Variants in AGBL4 observed in about 807,000 individuals in gnomAD.
AGBL4 encodes the protein cytosolic carboxypeptidase 6.
AGBL4 carries 58 observed loss-of-function variants against 66.4 expected under a neutral mutation model. The ratio of observed to expected loss-of-function variants is 0.87; its 90% CI spans 0.71 to 1.09. The LOEUF (loss-of-function observed/expected upper bound fraction) is 1.09, where lower values mean the gene tolerates loss of function less well. AGBL4 is among the 50% of genes least tolerant of loss of function. AGBL4 has a pLI of 0.00. For synonymous variants in AGBL4, 234 were observed against 222.9 expected, an observed-to-expected ratio of 1.05 and a Z score of -0.44; for missense variants, 579 against 631.0, an observed-to-expected ratio of 0.92 and a Z score of 0.88.
chr1:49,794,886 T>C (rs1042843905), intron 2 of AGBL4, among the ~76,000 whole-genome samples: 9 of 151,902 alleles, frequency 5.9e-5, no homozygotes, highest in Non-Finnish European at 1.2e-4. Flanking sequence ...GGTCTAGAAA[T>C]TGGTGATGAG....
intron 2 of AGBL4, among the ~76,000 whole-genome samples, chr1:49,822,181 CA>C (rs1645386582): frequency 6.6e-6 from 1 of 152,120 alleles, no homozygotes; most frequent in African/African-American, 2.4e-5. Flanking sequence ...AACATAAAGA[CA>C]GATGATAAGA....
At chr1:49,824,430 G>A (rs963879754) in intron 2 of AGBL4, among the ~76,000 whole-genome samples, 1 of 152,186 alleles carries the variant, frequency 6.6e-6, no homozygotes, top group Non-Finnish European at 1.5e-5. Flanking sequence ...TGAGCCTCAC[G>A]ATTTGTCAAA....
Position 50,023,743 on chromosome 1 carries a change from G to C in AGBL4, c.34+20C>G. 2 of 1,547,336 alleles carry C rather than the reference G, an allele frequency of 1.3e-6. No homozygotes were observed. Among genetic ancestry groups the C allele is most frequent in the Non-Finnish European group, 1.7e-6 (2 of 1,145,092 alleles). On this transcript the variant is annotated intron_variant, in intron 1 of 13. Coordinates refer to ENST00000371839, the MANE Select transcript of AGBL4 (RefSeq NM_032785.4). ...AGCCTGGCCGCCTCAGCCTTCCCCAGATCGGCCGCCCCCACAGACCTGCCT... is the reference window on the plus strand; with the variant it reads ...AGCCTGGCCGCCTCAGCCTTCCCCACATCGGCCGCCCCCACAGACCTGCCT...
intron 6 of AGBL4, among the ~76,000 whole-genome samples, chr1:48,788,730 A>G (rs1359288738): frequency 6.6e-6 from 1 of 152,220 alleles, no homozygotes. Context: ...AAATGTAGGC[A>G]AGATTCTTAA....
intron 1 of AGBL4, among the ~76,000 whole-genome samples, chr1:50,022,545 C>T (rs144961573): frequency 4.1e-4 from 62 of 151,690 alleles, no homozygotes; most frequent in Middle Eastern, 3.4e-3. Flanking sequence ...AATGGTTCCT[C>T]GAACTTATTT....
chr1:48,690,142 A>G (rs1271378989), intron 6 of AGBL4, among the ~76,000 whole-genome samples: 1 of 152,236 alleles, frequency 6.6e-6, no homozygotes, highest in Non-Finnish European at 1.5e-5. Context: ...AGTGTTTGCT[A>G]AATGAGTGAT....
At chr1:48,568,415 C>T (rs1237074559) in intron 11 of AGBL4, among the ~76,000 whole-genome samples, 2 of 152,146 alleles carry the variant, frequency 1.3e-5, no homozygotes, top group Non-Finnish European at 2.9e-5. Flanking sequence ...GAACTCAGGT[C>T]TGCCTTTCTC....
At chr1:48,811,563 G>A (rs1478358894) in intron 6 of AGBL4, among the ~76,000 whole-genome samples, 4 of 152,128 alleles carry the variant, frequency 2.6e-5, no homozygotes, top group Non-Finnish European at 5.9e-5. Flanking sequence ...GAGCAACTTG[G>A]ATTGGTACAT....
chr1:48,525,858 A>G, the AGBL4 span, among the ~76,000 whole-genome samples: 1 of 151,906 alleles, frequency 6.6e-6, no homozygotes, highest in Admixed American at 6.6e-5. Context: ...TCCTGGGAAA[A>G]CTCCCTCTAG....
chr1:49,591,919 C>T (rs1446863010), intron 3 of AGBL4, among the ~76,000 whole-genome samples: 1 of 152,116 alleles, frequency 6.6e-6, no homozygotes, highest in Non-Finnish European at 1.5e-5. Flanking sequence ...CTTCCTTACA[C>T]CATATACAAA....
intron 4 of AGBL4, among the ~76,000 whole-genome samples, chr1:49,114,033 C>A (rs529223283): frequency 6.6e-6 from 1 of 152,212 alleles, no homozygotes; most frequent in Non-Finnish European, 1.5e-5. Flanking sequence ...GCTCCATTAG[C>A]TCCTCACAAG....
chr1:49,774,279 A>T (rs1487720275), intron 2 of AGBL4, among the ~76,000 whole-genome samples: 1 of 152,112 alleles, frequency 6.6e-6, no homozygotes, highest in Non-Finnish European at 1.5e-5. Flanking sequence ...TTTCCCCATA[A>T]GTAGAAGTAT....
At chr1:48,654,666 G>A (rs1376300914) in intron 7 of AGBL4, among the ~76,000 whole-genome samples, 1 of 152,164 alleles carries the variant, frequency 6.6e-6, no homozygotes, top group Admixed American at 6.5e-5. Flanking sequence ...GCAGCAGGGT[G>A]ACTAAGAACA....
intron 1 of AGBL4, among the ~76,000 whole-genome samples, chr1:49,919,912 C>A (rs1652021001): frequency 6.6e-6 from 1 of 152,262 alleles, no homozygotes; most frequent in South Asian, 2.1e-4. Flanking sequence ...TGGAACAGAA[C>A]AGAGTCCTCA....
intron 4 of AGBL4, among the ~76,000 whole-genome samples, chr1:49,059,161 G>A (rs1394552542): frequency 6.6e-6 from 1 of 152,058 alleles, no homozygotes; most frequent in Non-Finnish European, 1.5e-5. Context: ...CAGGCCCAGA[G>A]GCCTAGGAGG....
chr1:49,104,996 A>T (rs531704066), intron 4 of AGBL4, among the ~76,000 whole-genome samples: 104 of 152,304 alleles, frequency 6.8e-4, no homozygotes, highest in Middle Eastern at 3.4e-3. Flanking sequence ...CTCTAGCCTA[A>T]ACCTTCTGTT....
chr1:49,039,730 A>G (rs1167217957), intron 5 of AGBL4, among the ~76,000 whole-genome samples: 2 of 152,114 alleles, frequency 1.3e-5, no homozygotes, highest in African/African-American at 4.8e-5. Context: ...TACATATATA[A>G]ATATTTCAGA....
intron 1 of AGBL4, among the ~76,000 whole-genome samples, chr1:49,918,651 A>T (rs1166132663): frequency 6.6e-6 from 1 of 152,256 alleles, no homozygotes; most frequent in Non-Finnish European, 1.5e-5. Flanking sequence ...GAATTCTACC[A>T]GAGGTACAAA....
intron 1 of AGBL4, among the ~76,000 whole-genome samples, chr1:49,858,686 T>A (rs1041827749): frequency 6.6e-6 from 1 of 151,818 alleles, no homozygotes; most frequent in African/African-American, 2.4e-5. Flanking sequence ...AGACCAATAA[T>A]CCTAAAAGTA....
Sources: allele counts gnomAD v4.1 joint callset (sites outside exome capture counted in the v4.1 genomes callset), GRCh38; gene constraint gnomAD v4.1.1; transcripts MANE v1.5; gene names NCBI Gene and HGNC (gene_info 2026-07-23, HGNC 2026-07-21).